Variants in AUTS2 observed in about 807,000 individuals in gnomAD.
The protein encoded by AUTS2 is activator of transcription and developmental regulator AUTS2, also known as autism susceptibility gene 2 protein.
Under a neutral mutation model 112.4 loss-of-function variants are expected in AUTS2, and 17 were observed. That is an observed-to-expected ratio of 0.15 (90% CI 0.10 to 0.23). The LOEUF (loss-of-function observed/expected upper bound fraction) is 0.23, where lower values mean the gene tolerates loss of function less well. Among genes scored for constraint, AUTS2 ranks in the 10% least tolerant of loss-of-function variants. AUTS2 has a pLI of 1.00. For missense variants in AUTS2, 1,510 were observed against 1,701.6 expected (o/e 0.89, Z 1.98); for synonymous variants, 751 against 702.7 (o/e 1.07, Z -1.09).
At chr7:70,460,519 T>C (rs1448463282) in intron 5 of AUTS2, among the ~76,000 whole-genome samples, 2 of 151,768 alleles carry the variant, frequency 1.3e-5, no homozygotes, top group Non-Finnish European at 2.9e-5. Flanking sequence ...CCTGGCTAAT[T>C]TTTATACTTT....
At position 69,624,265 on chromosome 7, in the gene AUTS2, G is replaced by A. The variant is rs1430636667; in HGVS notation, c.309+24303G>A. On this transcript the variant is annotated intron_variant, in intron 1 of 18. Coordinates refer to ENST00000342771, the MANE Select transcript of AUTS2 (RefSeq NM_015570.4). ...TAAACAAGTGAGTCTTGTCATTACT[G>A]TCCAGGTAACTTAGGAAACCTGTCT... is the stretch of plus-strand genomic sequence containing the variant. 2.6e-5 allele frequency among the ~76,000 whole-genome samples: 4 copies of A among 152,102 alleles called. No individual in the cohort carries two copies. The East Asian group carries it at 7.7e-4, about 29-fold the overall frequency.
intron 1 of AUTS2, among the ~76,000 whole-genome samples, chr7:69,795,377 A>G (rs1174994592): frequency 5.3e-5 from 8 of 152,166 alleles, no homozygotes. Flanking sequence ...AAGAGTTGTG[A>G]ATCAGAAAGT....
chr7:70,648,590 G>A (rs1050292589), intron 5 of AUTS2, among the ~76,000 whole-genome samples: 11 of 152,092 alleles, frequency 7.2e-5, no homozygotes, highest in Admixed American at 3.3e-4. Flanking sequence ...GTTTTGTTTC[G>A]TTTTGTTTTT....
intron 4 of AUTS2, among the ~76,000 whole-genome samples, chr7:70,182,317 T>C (rs920683820): frequency 1.3e-5 from 2 of 152,212 alleles, no homozygotes; most frequent in Admixed American, 6.5e-5. Flanking sequence ...TCTTTACCCT[T>C]AGCTATCTTG....
In AUTS2 at chr7:70,664,046, TG is replaced by T. The variant is rs550582439; in HGVS notation, c.691-34519del. On this transcript the variant is annotated intron_variant, in intron 5 of 18. Coordinates refer to ENST00000342771, the MANE Select transcript of AUTS2 (RefSeq NM_015570.4). ...ATTGTTGAGTTTGAGAGTAAGTAGATGGGGCCAGCCAAAGCAAGATGGACAG... is the reference window on the plus strand; with the variant it reads ...ATTGTTGAGTTTGAGAGTAAGTAGATGGGCCAGCCAAAGCAAGATGGACAG... Among the ~76,000 whole-genome samples the T allele has an allele frequency of 9.6e-4, 146 of 152,314 alleles. 1 individual carries two copies. The highest frequency in any genetic ancestry group is 3.5e-3 in the African/African-American group (145 of 41,578).
chr7:69,824,755 TCTC>T (rs1419454361), intron 1 of AUTS2: 1 of 152,160 alleles, frequency 6.6e-6, no homozygotes, highest in African/African-American at 2.4e-5. Flanking sequence ...TGGCCATACT[TCTC>T]CTTCTGGCTT....
chr7:70,045,306 G>A (rs1330246313), intron 2 of AUTS2, among the ~76,000 whole-genome samples: 1 of 152,130 alleles, frequency 6.6e-6, no homozygotes, highest in African/African-American at 2.4e-5. Flanking sequence ...TGCAACTGTT[G>A]CGCATTTGAA....
intron 1 of AUTS2, among the ~76,000 whole-genome samples, chr7:69,861,276 C>A (rs1387307493): frequency 6.6e-6 from 1 of 152,110 alleles, no homozygotes; most frequent in African/African-American, 2.4e-5. Context: ...TTGGCTGTCT[C>A]CTAGTGCAGG....
At chr7:69,864,392 G>T (rs1793127128) in intron 1 of AUTS2, among the ~76,000 whole-genome samples, 1 of 152,160 alleles carries the variant, frequency 6.6e-6, no homozygotes, top group African/African-American at 2.4e-5. Context: ...CCTGTGCTGG[G>T]TGTGGTTCCC....
chr7:70,059,433 A>G (rs550746375), intron 2 of AUTS2, among the ~76,000 whole-genome samples: 91 of 152,270 alleles, frequency 6.0e-4, no homozygotes, highest in African/African-American at 2.1e-3. Flanking sequence ...AGTTTTGTCA[A>G]TTATGGGAAA....
At chr7:70,765,849 T>C (rs1044414255) in intron 8 of AUTS2, among the ~76,000 whole-genome samples, 4 of 152,150 alleles carry the variant, frequency 2.6e-5, no homozygotes, top group African/African-American at 9.7e-5. Context: ...AATCGGACTT[T>C]GGCATTTGGC....
At chr7:70,734,344 G>A (rs1421213656) in intron 6 of AUTS2, among the ~76,000 whole-genome samples, 2 of 152,044 alleles carry the variant, frequency 1.3e-5, no homozygotes, top group Non-Finnish European at 2.9e-5. Flanking sequence ...GGGGGCTGAG[G>A]CAGGAGAATG....
At chr7:69,600,606 G>C (rs1213922772) in intron 1 of AUTS2, among the ~76,000 whole-genome samples, 1 of 150,700 alleles carries the variant, frequency 6.6e-6, no homozygotes, top group Non-Finnish European at 1.5e-5. Context: ...AGAAAGGAGG[G>C]AGGAGGGGAG....
At chr7:70,603,154 T>C (rs950961389) in intron 5 of AUTS2, among the ~76,000 whole-genome samples, 3 of 152,220 alleles carry the variant, frequency 2.0e-5, no homozygotes, top group Admixed American at 2.0e-4. Flanking sequence ...TCTAGAGTCA[T>C]AGACACAGAT....
At chr7:70,035,326 G>A (rs935685274) in intron 2 of AUTS2, among the ~76,000 whole-genome samples, 1 of 152,148 alleles carries the variant, frequency 6.6e-6, no homozygotes, top group African/African-American at 2.4e-5. Flanking sequence ...CTGGAAAGGG[G>A]GGAAATAATG....
intron 2 of AUTS2, among the ~76,000 whole-genome samples, chr7:69,954,539 G>A (rs541070375): frequency 2.6e-4 from 40 of 152,306 alleles, no homozygotes; most frequent in Admixed American, 1.4e-3. Context: ...GAACTCCTGG[G>A]CTTAAGTGAT....
At chr7:69,976,824 C>T (rs565751615) in intron 2 of AUTS2, among the ~76,000 whole-genome samples, 32 of 152,194 alleles carry the variant, frequency 2.1e-4, no homozygotes, top group African/African-American at 7.7e-4. Context: ...AAGTTCTTTA[C>T]ATATTCTGGA....
chr7:69,670,555 CAA>C (rs200373158), intron 1 of AUTS2, among the ~76,000 whole-genome samples: 149 of 118,718 alleles, frequency 1.3e-3, no homozygotes, highest in Admixed American at 2.7e-3. Flanking sequence ...CTTGATCCCT[CAA>C]AAAAAAAAAA....
intron 5 of AUTS2, among the ~76,000 whole-genome samples, chr7:70,664,900 C>T (rs1456732291): frequency 2.0e-5 from 3 of 152,038 alleles, no homozygotes; most frequent in Non-Finnish European, 4.4e-5. Context: ...GCAAGATCCC[C>T]GTCTCTACCA....
Sources: gnomAD v4.1 joint callset for allele counts (sites outside exome capture counted in the v4.1 genomes callset) on GRCh38, gnomAD v4.1.1 for gene constraint, MANE v1.5 for transcripts, NCBI Gene and HGNC (gene_info 2026-07-23, HGNC 2026-07-21) for gene names.